Variants in EME2 observed in about 807,000 individuals in gnomAD.
EME2 encodes the protein structure-specific endonuclease subunit EME2.
EME2 carries 58 observed loss-of-function variants against 41.9 expected under a neutral mutation model. That is an observed-to-expected ratio of 1.38 (90% CI 1.12 to 1.72). The LOEUF (loss-of-function observed/expected upper bound fraction) is 1.72. Among genes scored for constraint, EME2 ranks in the 40% most tolerant of loss-of-function variants. The pLI is 0.00. For missense variants in EME2, 695 were observed against 541.9 expected, an observed-to-expected ratio of 1.28 and a Z score of -2.81; for synonymous variants, 334 against 239.3, an observed-to-expected ratio of 1.40 and a Z score of -3.65.
chr16:1,776,981 G>A lies in EME2; in HGVS notation c.*743G>A, dbSNP rs990697188. On this transcript the variant is annotated 3_prime_UTR_variant, in exon 8 of 8. Coordinates refer to ENST00000568449, the MANE Select transcript of EME2 (RefSeq NM_001257370.2). ...TCGGGAGCAAGAGATGGCTCCCTCC[G>A]GACGGGCCTCATCCAACTCCGCCCT... 49 of 1,220,348 alleles carry A rather than the reference G, an allele frequency of 4.0e-5. No individual in the cohort carries two copies. Among genetic ancestry groups the A allele is most frequent in the South Asian group, 1.5e-4 (10 of 68,832 alleles). 75.6% of individuals were successfully genotyped at this position (1,220,348 alleles called of 1,614,324 possible).
At position 1,777,122 on chromosome 16, in the gene EME2, T is replaced by C; in HGVS notation, c.*884T>C. 6.2e-7 allele frequency: 1 copy of C among 1,611,446 alleles called. No individual in the cohort carries two copies. Among genetic ancestry groups the C allele is most frequent in the Non-Finnish European group, 8.5e-7 (1 of 1,179,372 alleles). The stretch of plus-strand genomic sequence containing the variant: ...TCAGGTCCGGCGGCAGCGCTTCCTC[T>C]GGCAGGGCCGAGGCTCGCGACTGCT... On this transcript the variant is annotated 3_prime_UTR_variant, in exon 8 of 8. Coordinates refer to ENST00000568449, the MANE Select transcript of EME2 (RefSeq NM_001257370.2).
Position 1,778,099 on chromosome 16 carries a change from G to A in EME2, c.*1861G>A, listed in dbSNP as rs367827865. 6.2e-7 allele frequency: 1 copy of A among 1,612,822 alleles called. No homozygotes were observed. Among genetic ancestry groups the A allele is most frequent in the African/African-American group, 1.3e-5 (1 of 74,904 alleles). On this transcript the variant is annotated 3_prime_UTR_variant, in exon 8 of 8. Transcript: ENST00000568449. ...CGCGGGGCTGGGCTGCCGGAGCCAG[G>A]TTCCCCAGAAGCACCCTGGGCCGAA...
Position 1,781,573 on chromosome 16 carries a change from C to T in EME2, c.*5335C>T. ...CTGAGCTTCCAGGCTGGGCCACGGA[C>T]CCACTCAAAGTGGGGACTGCAGGGG... On this transcript the variant is annotated 3_prime_UTR_variant, in exon 8 of 8. Coordinates refer to ENST00000568449, the MANE Select transcript of EME2 (RefSeq NM_001257370.2). The T allele has an allele frequency of 6.6e-7, 1 of 1,512,538 alleles. No individual in the cohort carries two copies. The highest frequency in any genetic ancestry group is 8.9e-7 in the Non-Finnish European group (1 of 1,120,530). The allele number at this position is 1,512,538 out of a possible 1,614,324, so 93.7% of individuals were successfully genotyped here.
chr16:1,773,599 G>T, intron 1 of EME2, 106 bp from the exon 2 acceptor site: 1 of 1,526,820 alleles, frequency 6.5e-7, no homozygotes, highest in South Asian at 1.2e-5. Context: ...CCTCCCAGTC[G>T]GGGGTTTGTG....
chr16:1,776,630 G>A lies in EME2; in HGVS notation c.*392G>A, dbSNP rs969338695. The A allele has an allele frequency of 3.4e-6, 1 of 291,748 alleles. No individual in the cohort carries two copies. Among genetic ancestry groups the A allele is most frequent in the Non-Finnish European group, 6.4e-6 (1 of 155,196 alleles). 18.1% of individuals were successfully genotyped at this position (291,748 alleles called of 1,614,324 possible). ...AGCAGTAGGGGACTCCCAAGGATGTGGAGGGGCAGTGAGGCCTGGGAGAAG... is the reference window on the plus strand; with the variant it reads ...AGCAGTAGGGGACTCCCAAGGATGTAGAGGGGCAGTGAGGCCTGGGAGAAG... On this transcript the variant is annotated 3_prime_UTR_variant, in exon 8 of 8. Coordinates refer to ENST00000568449, the MANE Select transcript of EME2 (RefSeq NM_001257370.2).
chr16:1,778,585 A>C lies in EME2; in HGVS notation c.*2347A>C. On this transcript the variant is annotated 3_prime_UTR_variant, in exon 8 of 8. Coordinates refer to ENST00000568449, the MANE Select transcript of EME2 (RefSeq NM_001257370.2). ...GGGATGGATGGCGGCAGCGTGGAGT[A>C]CTCGGGGTCGGAGTCCGAGTCGCTG... 1.3e-6 allele frequency: 2 copies of C among 1,582,244 alleles called. No individual in the cohort carries two copies.
At position 1,777,423 on chromosome 16, in the gene EME2, G is replaced by A; in HGVS notation, c.*1185G>A. 2.0e-6 allele frequency: 3 copies of A among 1,537,902 alleles called. No individual in the cohort carries two copies. The highest frequency in any genetic ancestry group is 2.6e-6 in the Non-Finnish European group (3 of 1,144,450). On this transcript the variant is annotated 3_prime_UTR_variant, in exon 8 of 8. Transcript: ENST00000568449. Reference sequence around the variant, plus strand: ...ACCATCGGGTAGAATCTCTTGTTCTGCAGCTTGGTGGCTGCCACACCTGGA... The same window carrying A: ...ACCATCGGGTAGAATCTCTTGTTCTACAGCTTGGTGGCTGCCACACCTGGA...
rs747846198 is a variant in EME2, at chr16:1,776,179, C to A, written c.1081C>A (p.Arg361Ser). The change falls in exon 8 of 8, where the codon CGC (arginine) becomes AGC (serine). Residue 361 changes from arginine (R) to serine (S), a missense_variant. Transcript: ENST00000568449. ...CAGGGTGGGGCCTGACCTCTCCCGC[C>A]GCATCTGCCTCTTCCTGACCACAGC... Reference protein sequence around the residue: ...PRRVGPDLSRRICLFLTTANP... With the variant: ...PRRVGPDLSRSICLFLTTANP... 5 of 1,612,618 alleles carry A rather than the reference C, an allele frequency of 3.1e-6. No homozygotes were observed. The Admixed American group carries it at 8.3e-5, about 27-fold the overall frequency.
In EME2 at chr16:1,777,901, C is replaced by G. The variant is rs573183239; in HGVS notation, c.*1663C>G. ...GGGGCAGCCAGGGTCGCAGTGAGCC[C>G]GGGAGCTCCAGGCTCGGCCCCGCCC... is the stretch of plus-strand genomic sequence containing the variant. On this transcript the variant is annotated 3_prime_UTR_variant, in exon 8 of 8. Transcript: ENST00000568449. 2 of 1,611,768 alleles carry G rather than the reference C, an allele frequency of 1.2e-6. No individual in the cohort carries two copies. Among genetic ancestry groups the G allele is most frequent in the East Asian group, 2.2e-5 (1 of 44,838 alleles).
chr16:1,777,802 C>A lies in EME2; in HGVS notation c.*1564C>A. ...GTGTGCCGTGCCAGGTGTCCAGGTG[C>A]ACGCCAATGATGGAGCCCTGGCCGA... is the stretch of plus-strand genomic sequence containing the variant. On this transcript the variant is annotated 3_prime_UTR_variant, in exon 8 of 8. Transcript: ENST00000568449. 6.2e-7 allele frequency: 1 copy of A among 1,612,914 alleles called. No homozygotes were observed. The highest frequency in any genetic ancestry group is 8.5e-7 in the Non-Finnish European group (1 of 1,179,916).
chr16:1,774,434 G>GC (rs2042679288), intron 3 of EME2, 82 bp downstream of exon 3: 5 of 1,180,344 alleles, frequency 4.2e-6, no homozygotes, highest in Middle Eastern at 2.1e-4. Flanking sequence ...GCCGGTCCCT[G>GC]CCCCTGTAGA....
rs760622339 is a variant in EME2, at chr16:1,778,539, C to CCGG, written c.*2302_*2304dup. ...CCCAGCACAGTCACAGAAGGACTCG[C>CCGG]CGGTCACGGGCACCGCACTGGGGAT... On this transcript the variant is annotated 3_prime_UTR_variant, in exon 8 of 8. Coordinates refer to ENST00000568449, the MANE Select transcript of EME2 (RefSeq NM_001257370.2). 6.2e-7 allele frequency: 1 copy of CCGG among 1,608,848 alleles called. No homozygotes were observed. Among genetic ancestry groups the CCGG allele is most frequent in the South Asian group, 1.1e-5 (1 of 90,970 alleles).
intron 5 of EME2, 21 bp downstream of exon 5, chr16:1,775,429 G>A: frequency 1.2e-6 from 2 of 1,610,782 alleles, no homozygotes; most frequent in Non-Finnish European, 1.7e-6. Context: ...GTCTGAGCTG[G>A]GTGAGTCAGG....
chr16:1,773,331 A>C lies in EME2; in HGVS notation c.104A>C (p.Asp35Ala). The part of the protein sequence containing the change: ...QRRPPTWEIS[D>A]SDAEDSAGSE... ...CGACCTCCAACCTGGGAGATCTCAG[A>C]CTCCGACGCTGAGGACTCCGCCGGC... Residue 35 changes from aspartate to alanine, a missense_variant, in exon 1 of 8, where the codon GAC becomes GCC. Physicochemically the swap from Asp to Ala is moderately radical, Grantham distance 126. Coordinates refer to ENST00000568449, the MANE Select transcript of EME2 (RefSeq NM_001257370.2). 2.0e-6 allele frequency: 3 copies of C among 1,512,340 alleles called. No homozygotes were observed. Among genetic ancestry groups the C allele is most frequent in the Non-Finnish European group, 2.6e-6 (3 of 1,139,764 alleles). The allele number at this position is 1,512,340 out of a possible 1,614,324, so 93.7% of individuals were successfully genotyped here. A position where few individuals can be genotyped will look rare whatever the true frequency, so the allele number is the denominator to read the frequency against.
chr16:1,775,507 T>G, intron 5 of EME2, 62 bp from the exon 6 acceptor site: 1 of 1,598,180 alleles, frequency 6.3e-7, no homozygotes, highest in East Asian at 2.2e-5. Flanking sequence ...GGGGCAGCTA[T>G]CAGCTGTGTG....
intron 3 of EME2, 98 bp downstream of exon 3, chr16:1,774,450 C>A (rs763909169): frequency 1.5e-5 from 15 of 982,536 alleles, no homozygotes; most frequent in Non-Finnish European, 2.4e-5. Context: ...GTAGACGGGG[C>A]TGGAGGGGGC....
In EME2 at chr16:1,781,578, T is replaced by G. The variant is rs1896714172; in HGVS notation, c.*5340T>G. 6.7e-7 allele frequency: 1 copy of G among 1,481,736 alleles called. No homozygotes were observed. Among genetic ancestry groups the G allele is most frequent in the Admixed American group, 2.1e-5 (1 of 48,752 alleles). The allele number at this position is 1,481,736 out of a possible 1,614,324, so 91.8% of individuals were successfully genotyped here. ...CTTCCAGGCTGGGCCACGGACCCAC[T>G]CAAAGTGGGGACTGCAGGGGCCGCA... On this transcript the variant is annotated 3_prime_UTR_variant, in exon 8 of 8. Transcript: ENST00000568449.
rs149865667 is a variant in EME2, at chr16:1,775,742, C to T, written c.780-55C>T. 1,100 of 1,612,344 alleles carry T rather than the reference C, an allele frequency of 6.8e-4. 7 individuals are homozygous for T. The African/African-American group carries it at 0.013, about 20-fold the overall frequency. On this transcript the variant is annotated intron_variant, in intron 6 of 7. Coordinates refer to ENST00000568449, the MANE Select transcript of EME2 (RefSeq NM_001257370.2). ...TCACCTCAAGGTAGTGGTGCCTCCC[C>T]GGCCTTTTGGGAGCTGCTCACATGA...
chr16:1,773,256 G>C lies in EME2; in HGVS notation c.29G>C (p.Gly10Ala), dbSNP rs1013828689. The change falls in exon 1 of 8, where the codon GGG becomes GCG. Residue 10 changes from glycine to alanine, a missense_variant. Gly to Ala is a moderately conservative substitution (Grantham distance 60). Transcript: ENST00000568449. MARVGPGRA[G>A]VSCQGRGRGR... is the part of the protein sequence containing the mutation. ...GCGCGGGTTGGACCCGGGAGGGCGG[G>C]GGTCTCTTGCCAGGGCCGGGGCCGG... 1 of 1,453,390 alleles carries C rather than the reference G, an allele frequency of 6.9e-7. No homozygotes were observed. The highest frequency in any genetic ancestry group is 9.0e-7 in the Non-Finnish European group (1 of 1,112,914). 90.0% of individuals were successfully genotyped at this position (1,453,390 alleles called of 1,614,324 possible).
Sources: allele counts gnomAD v4.1 joint callset, GRCh38; gene constraint gnomAD v4.1.1; transcripts MANE v1.5; gene names NCBI Gene and HGNC (gene_info 2026-07-23, HGNC 2026-07-21).